CHERP: variants seen among roughly 807,000 people sequenced by gnomAD.
The protein encoded by CHERP is ERPROT 213-21.
CHERP carries 8 observed loss-of-function variants against 113.8 expected under a neutral mutation model. The observed-to-expected ratio is 0.07, with a 90% CI of 0.04 to 0.13. The LOEUF is 0.13. Ranked by LOEUF, CHERP falls within the 10% of genes least tolerant of loss-of-function variation. The pLI is 1.00. For missense variants in CHERP, 884 were observed against 1,298.2 expected, an observed-to-expected ratio of 0.68 and a Z score of 4.90; for synonymous variants, 559 against 524.5, an observed-to-expected ratio of 1.07 and a Z score of -0.90.
chr19:16,531,337 C>G (rs546614450), intron 5 of CHERP, among the ~76,000 whole-genome samples: 1 of 152,134 alleles, frequency 6.6e-6, no homozygotes, highest in African/African-American at 2.4e-5. Context: ...AGGGAGGGTG[C>G]CCAGTCCCTC....
chr19:16,529,769 T>TTGC lies in CHERP; in HGVS notation c.1005_1007dup (p.Gln341dup), dbSNP rs751586190. 5.5e-5 allele frequency: 88 copies of TTGC among 1,605,668 alleles called. No homozygotes were observed. The highest frequency in any genetic ancestry group is 2.7e-4 in the African/African-American group (20 of 74,472). On this transcript the variant is annotated inframe_insertion, in exon 8 of 17. Coordinates refer to ENST00000546361, the MANE Select transcript of CHERP (RefSeq NM_006387.6). ...GCATCTGGAGCTGCTGCTGCTGCTG[T>TTGC]TGCTGCTGCTGCTGCTGCTGGGCCA...
chr19:16,535,657 G>C lies in CHERP; in HGVS notation c.200-21C>G. 6.7e-7 allele frequency: 1 copy of C among 1,484,162 alleles called. No individual in the cohort carries two copies. The highest frequency in any genetic ancestry group is 8.9e-7 in the Non-Finnish European group (1 of 1,119,252). The allele number at this position is 1,484,162 out of a possible 1,614,324, so 91.9% of individuals were successfully genotyped here. A position where few individuals can be genotyped will look rare whatever the true frequency, so the allele number is the denominator to read the frequency against. On this transcript the variant is annotated intron_variant, in intron 2 of 16. Transcript: ENST00000546361. This position sits in a 1 kb window ranked among gnomAD's most constrained non-coding sequence, Gnocchi z 4.3. Reference sequence around the variant, plus strand: ...GATGACTGGAGGGAGAGGAGGAGGGGTGCCCCATGAGAATGCAGATGGGGG... The same window carrying C: ...GATGACTGGAGGGAGAGGAGGAGGGCTGCCCCATGAGAATGCAGATGGGGG...
intron 1 of CHERP, 67 bp downstream of exon 1, chr19:16,542,287 A>T: frequency 7.5e-7 from 1 of 1,334,886 alleles, no homozygotes. Context: ...GGACTCCGGG[A>T]GGCGGGGCCG....
rs372591485 is a variant in CHERP at position 16,541,913 on chromosome 19, G to A, written c.156C>T (p.Phe52=). The A allele has an allele frequency of 7.4e-6, 12 of 1,613,848 alleles. No individual in the cohort carries two copies. The highest frequency in any genetic ancestry group is 5.3e-5 in the African/African-American group (4 of 74,930). Residue 52 remains phenylalanine, a synonymous_variant, in exon 2 of 17, where the codon TTC becomes TTT. Transcript: ENST00000546361. ...PKFSFLFGGE[F]YSYYKCKLAL... is the part of the protein sequence containing the mutation. ...CCAGCTTGCACTTGTAGTAACTGTAGAATTCGCCTCCGAAAAGAAACGAGA... is the reference window on the plus strand; with the variant it reads ...CCAGCTTGCACTTGTAGTAACTGTAAAATTCGCCTCCGAAAAGAAACGAGA...
At chr19:16,533,255 C>G in intron 3 of CHERP, 107 bp from the exon 4 acceptor site, 2 of 1,138,106 alleles carry the variant, frequency 1.8e-6, no homozygotes, top group Non-Finnish European at 2.5e-6. Context: ...TGGCGATGCC[C>G]GGACTCTGGG....
chr19:16,533,359 G>A (rs2085720031), intron 3 of CHERP, among the ~76,000 whole-genome samples: 2 of 152,196 alleles, frequency 1.3e-5, no homozygotes, highest in Admixed American at 6.6e-5. Flanking sequence ...CTCCTGGAGT[G>A]GGCAGGGCAC....
chr19:16,535,592 T>C lies in CHERP; in HGVS notation c.244A>G (p.Met82Val). Residue 82 changes from methionine (M) to valine (V), a missense_variant, in exon 3 of 17, where the codon ATG (methionine) becomes GTG (valine). By Grantham distance (21) the Met-to-Val change is conservative. Transcript: ENST00000546361. This position sits in a 1 kb window ranked among gnomAD's most constrained non-coding sequence, Gnocchi z 4.3. ...QTPELEPAAT[M>V]PPLPQPPLAP... ...AGCGGGGGCTGTGGCAGGGGTGGCA[T>C]GGTGGCGGCTGGCTCCAGCTCCGGG... 1.3e-6 allele frequency: 2 copies of C among 1,546,468 alleles called. No individual in the cohort carries two copies. The highest frequency in any genetic ancestry group is 1.4e-5 in the African/African-American group (1 of 73,210).
In CHERP at chr19:16,520,298, G is replaced by A. The variant is rs1179672604; in HGVS notation, c.2346-33C>T. On this transcript the variant is annotated intron_variant, in intron 14 of 16. Coordinates refer to ENST00000546361, the MANE Select transcript of CHERP (RefSeq NM_006387.6). The surrounding 1 kb of genome is among the most constrained non-coding windows in gnomAD (Gnocchi z 4.0). ...GAAGGGTGCCCAAGGGTCAGCAGCA[G>A]CCAGGCGTCGTGGGGAGGCCACAGG... 1.2e-6 allele frequency: 2 copies of A among 1,613,312 alleles called. No individual in the cohort carries two copies. The highest frequency in any genetic ancestry group is 1.7e-6 in the Non-Finnish European group (2 of 1,179,636).
At chr19:16,526,763 G>A (rs1282770695) in intron 9 of CHERP, among the ~76,000 whole-genome samples, 2 of 151,196 alleles carry the variant, frequency 1.3e-5, no homozygotes, top group Non-Finnish European at 2.9e-5. Context: ...ACCACGCCCA[G>A]CCTTGCTTTT....
rs751489414 is a variant in CHERP at position 16,523,009 on chromosome 19, T to TC, written c.1980+42_1980+43insG. 4.7e-6 allele frequency: 7 copies of TC among 1,481,640 alleles called. No homozygotes were observed. In the Admixed American group the frequency reaches 7.8e-5, roughly 16 times the overall value. 91.8% of individuals were successfully genotyped at this position (1,481,640 alleles called of 1,614,324 possible). On this transcript the variant is annotated intron_variant, in intron 11 of 16. Transcript: ENST00000546361. This position sits in a 1 kb window ranked among gnomAD's most constrained non-coding sequence, Gnocchi z 4.0. Reference sequence around the variant, plus strand: ...TTTCACAAGGAGAAACGGGGACCAGTATGGTAAGCGTGCTCAGCTTGGAGC... The same window carrying TC: ...TTTCACAAGGAGAAACGGGGACCAGTCATGGTAAGCGTGCTCAGCTTGGAGC...
intron 2 of CHERP, among the ~76,000 whole-genome samples, chr19:16,536,869 G>A (rs1052620759): frequency 2.0e-5 from 3 of 152,068 alleles, no homozygotes; most frequent in East Asian, 3.9e-4. Context: ...AAAATTAGTC[G>A]GGCGTGGTGG....
chr19:16,541,596 C>T (rs1408015448), intron 2 of CHERP: 1 of 400,084 alleles, frequency 2.5e-6, no homozygotes, highest in African/African-American at 2.1e-5. Flanking sequence ...GCTACTCCTG[C>T]TAATCTCCGT....
At chr19:16,541,501 G>C (rs1192394474) in intron 2 of CHERP, 1 of 193,226 alleles carries the variant, frequency 5.2e-6, no homozygotes, top group South Asian at 1.7e-4. Context: ...ACAGGGAGAC[G>C]GCAAAGGGGG....
In CHERP at chr19:16,520,342, C is replaced by T. The variant is rs1441231175; in HGVS notation, c.2345+22G>A. On this transcript the variant is annotated intron_variant, in intron 14 of 16. Transcript: ENST00000546361. The surrounding 1 kb of genome is among the most constrained non-coding windows in gnomAD (Gnocchi z 4.0). ...CCACAGGAAGAGGCCTCAGGCACTG[C>T]CCTGAGGCAGCCTCTGCCTACCTAG... The T allele has an allele frequency of 1.9e-6, 3 of 1,611,450 alleles. No homozygotes were observed. In the Admixed American group the frequency reaches 5.0e-5, roughly 27 times the overall value.
At position 16,521,512 on chromosome 19, in the gene CHERP, G is replaced by A; in HGVS notation, c.2114+9C>T. The A allele has an allele frequency of 6.3e-7, 1 of 1,581,700 alleles. No homozygotes were observed. Reference sequence around the variant, plus strand: ...CCTCCCGCCCACCCCACTGACCTGGGCCCCTTACCTGTTCCTGGGCCTGTC... The same window carrying A: ...CCTCCCGCCCACCCCACTGACCTGGACCCCTTACCTGTTCCTGGGCCTGTC... On this transcript the variant is annotated intron_variant, in intron 12 of 16. Transcript: ENST00000546361.
chr19:16,541,244 G>C (rs2085777428), intron 2 of CHERP: 1 of 152,184 alleles, frequency 6.6e-6, no homozygotes, highest in Non-Finnish European at 1.5e-5. Flanking sequence ...ACAATCTAGA[G>C]ACGGGGTTGG....
At chr19:16,521,734 C>T in intron 11 of CHERP, 80 bp from the exon 12 acceptor site, 1 of 1,363,746 alleles carries the variant, frequency 7.3e-7, no homozygotes, top group Non-Finnish European at 9.7e-7. Flanking sequence ...GGAGTGGGGT[C>T]AGGGCAGGGC....
chr19:16,522,320 G>A (rs192890563), intron 11 of CHERP, among the ~76,000 whole-genome samples: 220 of 151,942 alleles, frequency 1.4e-3, no homozygotes, highest in Non-Finnish European at 2.4e-3. Flanking sequence ...GTGTAGTGGC[G>A]TGATCTCGGC....
chr19:16,529,752 AGCTGCTGCTGCTGCTGTTGCT>A lies in CHERP; in HGVS notation c.1004_1024del (p.Gln335_Gln341del), dbSNP rs770471936. The A allele has an allele frequency of 1.2e-5, 19 of 1,611,708 alleles. No individual in the cohort carries two copies. The highest frequency in any genetic ancestry group is 2.2e-5 in the East Asian group (1 of 44,874). Reference sequence around the variant, plus strand: ...TTCAGCCTCCATCTGCGGCATCTGGAGCTGCTGCTGCTGCTGTTGCTGCTGCTGCTGCTGCTGGGCCAGGCT... The same window carrying A: ...TTCAGCCTCCATCTGCGGCATCTGGAGCTGCTGCTGCTGCTGGGCCAGGCT... On this transcript the variant is annotated inframe_deletion, in exon 8 of 17. Transcript: ENST00000546361.
Sources: allele counts gnomAD v4.1 joint callset (sites outside exome capture counted in the v4.1 genomes callset), GRCh38; gene constraint gnomAD v4.1.1; non-coding constraint Gnocchi (gnomAD v3.1); transcripts MANE v1.5; gene names NCBI Gene and HGNC (gene_info 2026-07-23, HGNC 2026-07-21).